The following ECT2L variants were observed in gnomAD, a reference collection of about 807,000 sequenced individuals.
ECT2L encodes epithelial cell transforming 2 like.
In ECT2L, 126 loss-of-function variants were observed where a neutral mutation model predicts 122.8. The ratio of observed to expected loss-of-function variants is 1.03; its 90% CI spans 0.89 to 1.19. ECT2L has a LOEUF of 1.19. Ranked by LOEUF, ECT2L falls within the 50% of genes most tolerant of loss-of-function variation. The pLI is 0.00. For synonymous variants in ECT2L, 385 were observed against 381.8 expected (o/e 1.01, Z -0.10); for missense variants, 1,012 against 1,064.1 (o/e 0.95, Z 0.68).
intron 14 of ECT2L, among the ~76,000 whole-genome samples, chr6:138,877,908 C>T (rs993589345): frequency 6.6e-6 from 1 of 152,018 alleles, no homozygotes; most frequent in African/African-American, 2.4e-5. Context: ...CAGAGGGAGA[C>T]CCTGTCTCAA....
At chr6:138,806,333 C>T (rs1268764955) in intron 1 of ECT2L, among the ~76,000 whole-genome samples, 1 of 151,978 alleles carries the variant, frequency 6.6e-6, no homozygotes, top group East Asian at 1.9e-4. Context: ...GTAATTTATT[C>T]TATTAGACAA....
intron 20 of ECT2L, among the ~76,000 whole-genome samples, chr6:138,893,194 T>G (rs202017217): frequency 0.073 from 10,701 of 146,908 alleles, 758 homozygotes; most frequent in East Asian, 0.19. Flanking sequence ...TGTTTTTTTT[T>G]GTTTTTTTTT....
intron 20 of ECT2L, among the ~76,000 whole-genome samples, chr6:138,897,220 G>A (rs911960092): frequency 6.6e-6 from 1 of 152,012 alleles, no homozygotes; most frequent in Admixed American, 6.6e-5. Context: ...TGAAACACTA[G>A]GAGCCACTGC....
At chr6:138,829,448 G>A (rs1445823153) in intron 4 of ECT2L, among the ~76,000 whole-genome samples, 1 of 152,084 alleles carries the variant, frequency 6.6e-6, no homozygotes, top group African/African-American at 2.4e-5. Context: ...AAGTCAACAG[G>A]ATTTGTATTG....
intron 4 of ECT2L, among the ~76,000 whole-genome samples, chr6:138,814,816 G>A (rs887789954): frequency 3.9e-5 from 6 of 152,184 alleles, no homozygotes; most frequent in African/African-American, 1.2e-4. Flanking sequence ...TCATACTATG[G>A]TGGGACTGTT....
chr6:138,833,306 C>T (rs1776713340), intron 4 of ECT2L, among the ~76,000 whole-genome samples: 1 of 152,314 alleles, frequency 6.6e-6, no homozygotes. Context: ...TTATCTCAGA[C>T]ATTTAACTTG....
chr6:138,854,100 G>A lies in ECT2L; in HGVS notation c.1144G>A (p.Ala382Thr). ...CTGGGAGAAATTAGGAAGCTATGTG[G>A]CCACTGAAGAAGAAGGGGGTCACGT... ...DFWEKLGSYV[A>T]TEEEGGHVDF... Residue 382 changes from alanine (A) to threonine (T), a missense_variant, in exon 10 of 22, where the codon GCC becomes ACC. Transcript: ENST00000541398. 1 of 1,614,120 alleles carries A rather than the reference G, an allele frequency of 6.2e-7. No individual in the cohort carries two copies. Among genetic ancestry groups the A allele is most frequent in the South Asian group, 1.1e-5 (1 of 91,082 alleles).
At chr6:138,807,446 G>C (rs17067906) in intron 1 of ECT2L, among the ~76,000 whole-genome samples, 40,106 of 151,970 alleles carry the variant, frequency 0.26, 5,516 homozygotes, top group South Asian at 0.43. Context: ...CTCCACATTA[G>C]TGCAGGTAAC....
At chr6:138,878,830 G>A (rs1778553793) in intron 14 of ECT2L, 1 of 152,310 alleles carries the variant, frequency 6.6e-6, no homozygotes, top group South Asian at 2.1e-4. Context: ...GAATACATTA[G>A]CCATACCATT....
intron 4 of ECT2L, among the ~76,000 whole-genome samples, chr6:138,832,962 G>A (rs975519160): frequency 6.6e-6 from 1 of 152,014 alleles, no homozygotes; most frequent in Non-Finnish European, 1.5e-5. Context: ...GGGTTGGGGG[G>A]CCTCAGGAAA....
rs530099084 is a variant in ECT2L, at chr6:138,810,346, G to T, written c.-243-2492G>T. On this transcript the variant is annotated intron_variant, in intron 1 of 21. Coordinates refer to ENST00000541398, the MANE Select transcript of ECT2L (RefSeq NM_001077706.3). Reference sequence around the variant, plus strand: ...TCAAAAGTATGGTTGTCACACCATTGTTAGGATCTCCGAATGGAACAAGGT... The same window carrying T: ...TCAAAAGTATGGTTGTCACACCATTTTTAGGATCTCCGAATGGAACAAGGT... 2.0e-4 allele frequency among the ~76,000 whole-genome samples: 30 copies of T among 152,270 alleles called. No individual in the cohort carries two copies. The South Asian group carries it at 6.0e-3, about 31-fold the overall frequency.
intron 14 of ECT2L, among the ~76,000 whole-genome samples, chr6:138,877,840 C>T (rs1778505999): frequency 6.6e-6 from 1 of 152,076 alleles, no homozygotes; most frequent in African/African-American, 2.4e-5. Context: ...TTGCTTGAGC[C>T]CGGGAGGTCG....
Position 138,902,562 on chromosome 6 carries a change from G to T in ECT2L, c.2650G>T (p.Glu884Ter). 1 of 1,613,842 alleles carries T rather than the reference G, an allele frequency of 6.2e-7. No individual in the cohort carries two copies. The highest frequency in any genetic ancestry group is 1.1e-5 in the South Asian group (1 of 91,058). ...TAAATGGATTTGTGCTACAGAAATA[G>T]AGGATGATAAGTTCCTATGGCTGTC... Reference protein sequence around the residue: ...KYKWICATEIEDDKFLWLSVL... With the variant: ...KYKWICATEI The change falls in exon 22 of 22, where the codon GAG (glutamate) becomes TAG (stop). Residue 884 changes from glutamate (E) to a stop codon, truncating the protein, a stop_gained. Transcript: ENST00000541398. LOFTEE classifies it high-confidence loss of function.
chr6:138,889,030 A>G lies in ECT2L; in HGVS notation c.2413A>G (p.Arg805Gly). 1 of 1,535,180 alleles carries G rather than the reference A, an allele frequency of 6.5e-7. No individual in the cohort carries two copies. ...TGATGAAGAAATAAGTTTCTCTTTA[A>G]GGTAAACAATAGTTAACTATCCTAA... is the stretch of plus-strand genomic sequence containing the variant. ...CCDEEISFSL[R>G]LYEHIHDLSL... Residue 805 changes from arginine to glycine, a missense_variant and splice_region_variant, in exon 20 of 22, where the codon AGG becomes GGG. Transcript: ENST00000541398.
chr6:138,815,848 C>T (rs1242580156), intron 4 of ECT2L, among the ~76,000 whole-genome samples: 1 of 152,164 alleles, frequency 6.6e-6, no homozygotes, highest in Non-Finnish European at 1.5e-5. Flanking sequence ...GTACTTGCTT[C>T]CTGTTCTTTC....
At chr6:138,821,989 T>G (rs1232636608) in intron 4 of ECT2L, among the ~76,000 whole-genome samples, 1 of 152,198 alleles carries the variant, frequency 6.6e-6, no homozygotes, top group Non-Finnish European at 1.5e-5. Flanking sequence ...GAAAATGACT[T>G]CAGACTTCTG....
At chr6:138,872,428 A>G (rs10457681) in intron 13 of ECT2L, among the ~76,000 whole-genome samples, 47,967 of 152,086 alleles carry the variant, frequency 0.32, 7,924 homozygotes, top group Admixed American at 0.4. Flanking sequence ...CATGATTAGC[A>G]CCTGTTAACA....
chr6:138,894,747 CTTCTTT>C (rs1779154393), intron 20 of ECT2L, among the ~76,000 whole-genome samples: 1 of 152,160 alleles, frequency 6.6e-6, no homozygotes, highest in South Asian at 2.1e-4. Context: ...GGAACTGCCT[CTTCTTT>C]TTCTTTAAAA....
At chr6:138,856,948 G>A (rs1262967871) in intron 10 of ECT2L, among the ~76,000 whole-genome samples, 3 of 151,908 alleles carry the variant, frequency 2.0e-5, no homozygotes, top group East Asian at 1.9e-4. Context: ...CTTTTACTTC[G>A]CCAAGCAAAC....
Sources: gnomAD v4.1 joint callset for allele counts (sites outside exome capture counted in the v4.1 genomes callset) on GRCh38, gnomAD v4.1.1 for gene constraint, MANE v1.5 for transcripts, NCBI Gene and HGNC (gene_info 2026-07-23, HGNC 2026-07-21) for gene names.